Variants in ZNF331 observed in about 807,000 individuals in gnomAD.
The protein encoded by ZNF331 is zinc finger protein 331, also known as C2H2-like zinc finger protein rearranged in thyroid adenomas.
A neutral mutation model predicts 7.0 loss-of-function variants in ZNF331; 2 were observed. The observed-to-expected ratio is 0.29, with a 90% CI of 0.12 to 0.90. ZNF331 has a LOEUF of 0.90. Among genes scored for constraint, ZNF331 ranks in the 40% least tolerant of loss-of-function variants. The pLI is 0.58. For synonymous variants in ZNF331, 196 were observed against 205.4 expected, an observed-to-expected ratio of 0.95 and a Z score of 0.39; for missense variants, 432 against 587.7, an observed-to-expected ratio of 0.74 and a Z score of 2.74.
chr19:53,504,936 C>A, the ZNF331 span, among the ~76,000 whole-genome samples: 2 of 152,188 alleles, frequency 1.3e-5, no homozygotes, highest in South Asian at 2.1e-4. Context: ...CCTCCACTCT[C>A]TAACCCTGGA....
rs577281071 is a variant in ZNF331, at chr19:53,571,004, G to A, written c.10-600G>A. Among the ~76,000 whole-genome samples the A allele has an allele frequency of 6.6e-6, 1 of 151,818 alleles. No individual in the cohort carries two copies. The highest frequency in any genetic ancestry group is 2.4e-5 in the African/African-American group (1 of 41,384). On this transcript the variant is annotated intron_variant, in intron 4 of 5. Transcript: ENST00000449416. This position sits in a 1 kb window ranked among gnomAD's most constrained non-coding sequence, Gnocchi z 4.7. ...CTCCCGAGTAGCTGGGACTACAGGC[G>A]CCCACCATCACGCCCGGCTAATTTT...
chr19:53,561,019 G>A (rs73051563), intron 3 of ZNF331, among the ~76,000 whole-genome samples: 16,361 of 152,056 alleles, frequency 0.11, 1,328 homozygotes, highest in African/African-American at 0.23. Flanking sequence ...TTAGCCAGGC[G>A]TGGTAATGTG....
chr19:53,525,988 C>T (rs2087279567), intron 2 of ZNF331, among the ~76,000 whole-genome samples: 1 of 152,088 alleles, frequency 6.6e-6, no homozygotes, highest in Non-Finnish European at 1.5e-5. Flanking sequence ...GTTAGGAAAG[C>T]CTGTTGAATT....
intron 3 of ZNF331, among the ~76,000 whole-genome samples, chr19:53,556,623 C>G (rs892384038): frequency 1.3e-5 from 2 of 151,648 alleles, no homozygotes; most frequent in Non-Finnish European, 2.9e-5. Context: ...CCATGTTGGG[C>G]CTTTTTTATT....
At chr19:53,509,179 G>C in the ZNF331 span, among the ~76,000 whole-genome samples, 2 of 152,152 alleles carry the variant, frequency 1.3e-5, no homozygotes, top group Admixed American at 6.5e-5. Context: ...CCCTCCCTCT[G>C]GGATTCTAGT....
intron 3 of ZNF331, among the ~76,000 whole-genome samples, chr19:53,559,777 C>CAT (rs148716631): frequency 1.1e-4 from 16 of 150,568 alleles, no homozygotes; most frequent in African/African-American, 2.5e-4. Context: ...CCCATATATA[C>CAT]ATATATATAT....
chr19:53,553,902 C>G (rs7248353), intron 2 of ZNF331, among the ~76,000 whole-genome samples: 112,674 of 152,090 alleles, frequency 0.74, 42,610 homozygotes, highest in African/African-American at 0.89. Flanking sequence ...CAGCCGGGAA[C>G]GGGCGTCTGC....
chr19:53,572,217 A>G (rs1163156297), intron 5 of ZNF331, among the ~76,000 whole-genome samples: 1 of 152,166 alleles, frequency 6.6e-6, no homozygotes, highest in Non-Finnish European at 1.5e-5. Flanking sequence ...CTTACATACC[A>G]TACCTGAAGT....
chr19:53,548,598 A>G (rs1439272097), intron 2 of ZNF331, among the ~76,000 whole-genome samples: 1 of 152,154 alleles, frequency 6.6e-6, no homozygotes. Context: ...ATGGTTTGAA[A>G]TAGTCTCTCC....
intron 2 of ZNF331, among the ~76,000 whole-genome samples, chr19:53,540,460 G>T (rs8111056): frequency 0.5 from 76,514 of 151,684 alleles, 20,480 homozygotes; most frequent in African/African-American, 0.7. Flanking sequence ...TGAGATGGAG[G>T]CTTGCTCTGT....
chr19:53,519,898 AAC>A (rs1204238258), upstream of ZNF331, among the ~76,000 whole-genome samples: 1 of 152,096 alleles, frequency 6.6e-6, no homozygotes, highest in African/African-American at 2.4e-5. Flanking sequence ...CACCCTACCT[AAC>A]ACTTTCTAGA....
At position 53,579,925 on chromosome 19, in the gene ZNF331, G is replaced by A. The variant is rs1334957019; in HGVS notation, c.*1973G>A. ...TTGAAAAAAAAATCAATTTAAAGGG[G>A]AGAAAACTTCAGCACGTCTCAACAG... On this transcript the variant is annotated 3_prime_UTR_variant, in exon 6 of 6. Transcript: ENST00000449416. The A allele has an allele frequency of 9.7e-6, 2 of 205,228 alleles. No homozygotes were observed. The highest frequency in any genetic ancestry group is 2.0e-5 in the Non-Finnish European group (2 of 100,480). The allele number at this position is 205,228 out of a possible 1,614,324, so 12.7% of individuals were successfully genotyped here. A position where few individuals can be genotyped will look rare whatever the true frequency, so the allele number is the denominator to read the frequency against.
chr19:53,572,585 ATATATATTATATATACACATATATAT>A (rs2090507673), intron 5 of ZNF331, among the ~76,000 whole-genome samples: 4 of 144,102 alleles, frequency 2.8e-5, no homozygotes, highest in Non-Finnish European at 6.0e-5. Flanking sequence ...ATATATACAC[ATATATATTATATATACACATATATAT>A]TATATATACA....
intron 2 of ZNF331, among the ~76,000 whole-genome samples, chr19:53,527,291 A>G (rs2087342087): frequency 6.6e-6 from 1 of 152,210 alleles, no homozygotes. Flanking sequence ...TTATTAATAA[A>G]TGTTTGAATG....
At chr19:53,530,456 C>T (rs2087494791) in intron 2 of ZNF331, among the ~76,000 whole-genome samples, 1 of 152,156 alleles carries the variant, frequency 6.6e-6, no homozygotes, top group South Asian at 2.1e-4. Flanking sequence ...CGATTTATAA[C>T]CAAATAATTC....
chr19:53,569,515 C>T, intron 4 of ZNF331, 130 bp downstream of exon 4: 1 of 1,082,064 alleles, frequency 9.2e-7, no homozygotes, highest in Non-Finnish European at 1.4e-6. Context: ...CTTTCTATTC[C>T]AGTGAATGAT....
chr19:53,578,792 G>GTTGTTT lies in ZNF331; in HGVS notation c.*861_*866dup, dbSNP rs751571163. ...TTAACGTAAGGCTTCACTGATCACT[G>GTTGTTT]TTGTTTTTGTTTTTGTTTTTGTTTT... On this transcript the variant is annotated 3_prime_UTR_variant, in exon 6 of 6. Coordinates refer to ENST00000449416, the MANE Select transcript of ZNF331 (RefSeq NM_001079906.2). 1.4e-4 allele frequency: 29 copies of GTTGTTT among 203,074 alleles called. No individual in the cohort carries two copies. In the South Asian group the frequency reaches 1.9e-3, roughly 13 times the overall value. 12.6% of individuals were successfully genotyped at this position (203,074 alleles called of 1,614,324 possible).
At chr19:53,513,209 G>A in the ZNF331 span, among the ~76,000 whole-genome samples, 1 of 151,784 alleles carries the variant, frequency 6.6e-6, no homozygotes, top group Non-Finnish European at 1.5e-5. Context: ...GTGTTTATCC[G>A]TGCATCATGA....
intron 2 of ZNF331, among the ~76,000 whole-genome samples, chr19:53,543,999 T>C (rs542987632): frequency 9.9e-5 from 15 of 152,038 alleles, no homozygotes; most frequent in African/African-American, 3.4e-4. Context: ...GAGGTCGAGG[T>C]GGGCAGATCA....
Sources: allele counts gnomAD v4.1 joint callset (sites outside exome capture counted in the v4.1 genomes callset), GRCh38; gene constraint gnomAD v4.1.1; non-coding constraint Gnocchi (gnomAD v3.1); transcripts MANE v1.5; gene names NCBI Gene and HGNC (gene_info 2026-07-23, HGNC 2026-07-21).